DLG2: variants seen among roughly 807,000 people sequenced by gnomAD.
DLG2 encodes the protein discs large MAGUK scaffold protein 2, also known as disks large homolog 2.
DLG2 carries 45 observed loss-of-function variants against 132.5 expected under a neutral mutation model. The ratio of observed to expected loss-of-function variants is 0.34; its 90% confidence interval spans 0.27 to 0.44. The LOEUF is 0.44. DLG2 is among the 20% of genes least tolerant of loss of function. The pLI, the probability that DLG2 is intolerant of heterozygous loss-of-function variation, is 1.00. For missense variants in DLG2, 1,045 were observed against 1,196.9 expected, an observed-to-expected ratio of 0.87 and a Z score of 1.87; for synonymous variants, 424 against 419.6, an observed-to-expected ratio of 1.01 and a Z score of -0.13.
chr11:85,071,639 C>T (rs756831245), intron 6 of DLG2, among the ~76,000 whole-genome samples: 20 of 151,572 alleles, frequency 1.3e-4, no homozygotes, highest in Admixed American at 2.6e-4. Flanking sequence ...ACAGCCAACT[C>T]CAAAAGAATT....
chr11:83,494,337 A>C (rs930848787), intron 21 of DLG2, among the ~76,000 whole-genome samples: 1 of 150,110 alleles, frequency 6.7e-6, no homozygotes, highest in Non-Finnish European at 1.5e-5. Context: ...GGCACACTAG[A>C]TTATTTCTTG....
intron 3 of DLG2, among the ~76,000 whole-genome samples, chr11:85,526,780 T>C (rs1274622845): frequency 2.0e-5 from 3 of 152,158 alleles, no homozygotes; most frequent in Admixed American, 1.3e-4. Context: ...CTAATGACAA[T>C]AGCCTTTTTG....
At chr11:85,410,157 G>A (rs2089186220) in intron 3 of DLG2, among the ~76,000 whole-genome samples, 1 of 151,870 alleles carries the variant, frequency 6.6e-6, no homozygotes, top group Non-Finnish European at 1.5e-5. Context: ...TGAAAACAAA[G>A]AGGAAATTGT....
intron 9 of DLG2, among the ~76,000 whole-genome samples, chr11:84,131,996 A>T (rs1394031438): frequency 6.6e-6 from 1 of 151,870 alleles, no homozygotes; most frequent in African/African-American, 2.4e-5. Context: ...TACACACACA[A>T]ATAAACAAAA....
chr11:83,571,292 A>G (rs187216051), intron 19 of DLG2, among the ~76,000 whole-genome samples: 1 of 152,246 alleles, frequency 6.6e-6, no homozygotes, highest in Non-Finnish European at 1.5e-5. Context: ...AAATCAAGAT[A>G]CCATGCAAGA....
chr11:84,238,788 CCT>C (rs2097191256), intron 8 of DLG2, among the ~76,000 whole-genome samples: 1 of 152,108 alleles, frequency 6.6e-6, no homozygotes, highest in Non-Finnish European at 1.5e-5. Flanking sequence ...TGTCACTCTT[CCT>C]CTTTCTTTTC....
intron 18 of DLG2, among the ~76,000 whole-genome samples, chr11:83,781,042 C>G (rs1469222888): frequency 6.6e-6 from 1 of 152,204 alleles, no homozygotes; most frequent in African/African-American, 2.4e-5. Context: ...TGAGATCTTA[C>G]AATTCTAAGA....
At chr11:84,070,786 G>A (rs2096744719) in intron 10 of DLG2, among the ~76,000 whole-genome samples, 1 of 152,078 alleles carries the variant, frequency 6.6e-6, no homozygotes, top group Non-Finnish European at 1.5e-5. Flanking sequence ...GTGTGTTTGA[G>A]TACAGTGATC....
intron 6 of DLG2, among the ~76,000 whole-genome samples, chr11:85,097,090 C>A (rs2069960074): frequency 6.6e-6 from 1 of 152,150 alleles, no homozygotes; most frequent in South Asian, 2.1e-4. Context: ...CTGAGCCTTG[C>A]CTCCTGGGTC....
chr11:83,642,274 C>A (rs545081807), intron 18 of DLG2, among the ~76,000 whole-genome samples: 2 of 152,290 alleles, frequency 1.3e-5, no homozygotes, highest in East Asian at 3.9e-4. Context: ...CAGAAATGAT[C>A]CTTTAGCTTA....
chr11:85,348,119 G>A (rs2082996887), intron 3 of DLG2, among the ~76,000 whole-genome samples: 1 of 151,286 alleles, frequency 6.6e-6, no homozygotes, highest in South Asian at 2.1e-4. Flanking sequence ...TCAAATAGCT[G>A]GGACTACACG....
intron 7 of DLG2, among the ~76,000 whole-genome samples, chr11:84,254,434 C>T (rs1338447340): frequency 6.6e-6 from 1 of 152,094 alleles, no homozygotes; most frequent in African/African-American, 2.4e-5. Flanking sequence ...CTCCACAGCA[C>T]TTGGGTATAC....
At chr11:84,621,744 G>A (rs943199863) in intron 6 of DLG2, among the ~76,000 whole-genome samples, 1 of 152,106 alleles carries the variant, frequency 6.6e-6, no homozygotes, top group Non-Finnish European at 1.5e-5. Context: ...GTGGGCTGCT[G>A]GGGATTTTAA....
At chr11:85,214,252 A>C (rs1331014423) in intron 4 of DLG2, among the ~76,000 whole-genome samples, 2 of 151,896 alleles carry the variant, frequency 1.3e-5, no homozygotes, top group Non-Finnish European at 2.9e-5. Context: ...TCTCGTCTTG[A>C]TTATTAGGAC....
At chr11:85,054,765 G>A (rs1187120516) in intron 6 of DLG2, among the ~76,000 whole-genome samples, 2 of 152,160 alleles carry the variant, frequency 1.3e-5, no homozygotes, top group Non-Finnish European at 2.9e-5. Context: ...CACAGGAACA[G>A]AAAAACAAAT....
chr11:84,252,625 C>T (rs1266629575), intron 7 of DLG2, among the ~76,000 whole-genome samples: 3 of 152,062 alleles, frequency 2.0e-5, no homozygotes, highest in Non-Finnish European at 4.4e-5. Context: ...AGGAGTGCTA[C>T]AAGGCAAATC....
At chr11:84,224,496 G>A (rs539535523) in intron 8 of DLG2, among the ~76,000 whole-genome samples, 2 of 152,298 alleles carry the variant, frequency 1.3e-5, no homozygotes, top group East Asian at 3.9e-4. Flanking sequence ...GAATTGGCTG[G>A]GGAAAATCAT....
chr11:85,054,437 T>G (rs532709777), intron 6 of DLG2, among the ~76,000 whole-genome samples: 1 of 152,294 alleles, frequency 6.6e-6, no homozygotes, highest in South Asian at 2.1e-4. Flanking sequence ...GTAAATGAAT[T>G]CAGCCACTGT....
chr11:85,064,879 CCTCTCTCTCTTT>C (rs1206955054), intron 6 of DLG2, among the ~76,000 whole-genome samples: 2 of 151,406 alleles, frequency 1.3e-5, no homozygotes, highest in Non-Finnish European at 3.0e-5. Context: ...ACCCTTCCAG[CCTCTCTCTCTTT>C]CTCTCTCTCT....
Sources: allele counts gnomAD v4.1 joint callset (sites outside exome capture counted in the v4.1 genomes callset), GRCh38; gene constraint gnomAD v4.1.1; transcripts MANE v1.5; gene names NCBI Gene and HGNC (gene_info 2026-07-23, HGNC 2026-07-21).